BRD1: variants seen among roughly 807,000 people sequenced by gnomAD.
BRD1 encodes bromodomain-containing protein 1.
Under a neutral mutation model 107.7 loss-of-function variants are expected in BRD1, and 24 were observed. The ratio of observed to expected loss-of-function variants is 0.22; its 90% CI spans 0.16 to 0.31. The LOEUF (loss-of-function observed/expected upper bound fraction) is 0.31, where lower values mean the gene tolerates loss of function less well. BRD1 is among the 10% of genes least tolerant of loss of function. The pLI is 1.00. For missense variants in BRD1, 1,279 were observed against 1,638.6 expected (o/e 0.78, Z 3.79); for synonymous variants, 744 against 686.1 (o/e 1.08, Z -1.32).
rs1477634828 is a variant in BRD1 at position 49,823,238 on chromosome 22, C to T, written c.1080G>A (p.Leu360=). The T allele has an allele frequency of 4.3e-6, 7 of 1,614,202 alleles. No individual in the cohort carries two copies. The highest frequency in any genetic ancestry group is 1.3e-5 in the African/African-American group (1 of 75,066). The change falls in exon 2 of 13, where the codon CTG becomes CTA. Residue 360 remains leucine (L), a synonymous_variant. Transcript: ENST00000404760. ...CCTTCACGGGCTCCATTTTCATGTA[C>T]AGGCCAGCCTTCTGGGCACACGTCA... The part of the protein sequence containing the change: ...FHVTCAQKAG[L]YMKMEPVKEL...
At position 49,802,836 on chromosome 22, in the gene BRD1, G is replaced by A. The variant is rs116353261; in HGVS notation, c.1524+1368C>T. Among the ~76,000 whole-genome samples, 1,089 of 152,366 alleles carry A rather than the reference G, an allele frequency of 7.1e-3. 13 individuals are homozygous for A. The highest frequency in any genetic ancestry group is 0.025 in the African/African-American group (1,039 of 41,592). On this transcript the variant is annotated intron_variant, in intron 3 of 12. Coordinates refer to ENST00000404760, the MANE Select transcript of BRD1 (RefSeq NM_001304808.3). ...TACGAGGTGAGGACAGAGGAGAGAT[G>A]GAAAGCCAAGTCACATCATGGAACG...
chr22:49,776,094 C>T lies in BRD1; in HGVS notation c.3187G>A (p.Val1063Met). The change falls in exon 11 of 13, where the codon GTG becomes ATG. Residue 1063 changes from valine to methionine, a missense_variant. Physicochemically the swap from Val to Met is conservative, Grantham distance 21 (BLOSUM62 1). Coordinates refer to ENST00000404760, the MANE Select transcript of BRD1 (RefSeq NM_001304808.3). Reference sequence around the variant, plus strand: ...TAGCCGCTGCACTTGGCCCACACCACCTTCAGAGGCTCCAGCACCGAGGCG... The same window carrying T: ...TAGCCGCTGCACTTGGCCCACACCATCTTCAGAGGCTCCAGCACCGAGGCG... ...AAASVLEPLK[V>M]VWAKCSGYPS... is the part of the protein sequence containing the mutation. 1.2e-6 allele frequency: 2 copies of T among 1,603,040 alleles called. No homozygotes were observed. Among genetic ancestry groups the T allele is most frequent in the Non-Finnish European group, 1.7e-6 (2 of 1,178,762 alleles).
Position 49,774,248 on chromosome 22 carries a change from G to A in BRD1, c.3555C>T (p.Leu1185=). ...GGCCGGGCCGTCAGTCAATGTCACTGAGGTCGCTGGTCGGCTCCCCGTGGA... is the reference window on the plus strand; with the variant it reads ...GGCCGGGCCGTCAGTCAATGTCACTAAGGTCGCTGGTCGGCTCCCCGTGGA... ...SRVHGEPTSD[L]SDID Residue 1185 remains leucine (L), a synonymous_variant, in exon 13 of 13, where the codon CTC becomes CTT. Transcript: ENST00000404760. The A allele has an allele frequency of 6.2e-7, 1 of 1,613,868 alleles. No individual in the cohort carries two copies.
At chr22:49,801,745 C>T (rs566187266) in intron 3 of BRD1, among the ~76,000 whole-genome samples, 2 of 152,368 alleles carry the variant, frequency 1.3e-5, no homozygotes, top group African/African-American at 4.8e-5. Context: ...TGAGGCCTAA[C>T]AGGCAGCGAT....
At chr22:49,806,681 G>C (rs1377748089) in intron 2 of BRD1, 1 of 152,310 alleles carries the variant, frequency 6.6e-6, no homozygotes, top group African/African-American at 2.4e-5. Flanking sequence ...GCCCACCTCA[G>C]GGATGACTGC....
intron 2 of BRD1, among the ~76,000 whole-genome samples, chr22:49,814,466 C>T (rs994217651): frequency 2.6e-5 from 4 of 152,220 alleles, no homozygotes; most frequent in Admixed American, 2.6e-4. Flanking sequence ...GCCTGCTGCC[C>T]ATCGCCAGGG....
Position 49,798,670 on chromosome 22 carries a change from A to G in BRD1, c.1673T>C (p.Val558Ala), listed in dbSNP as rs560010185. ...LKREQVKVEQ[V>A]AMELRLTPLT... ...CGGGGTCAGCCGCAGCTCCATGGCG[A>G]CCTGCTCCACCTTCACCTGGGGGGG... The change falls in exon 5 of 13, where the codon GTC becomes GCC. Residue 558 changes from valine (V) to alanine (A), a missense_variant. Physicochemically the swap from Val to Ala is moderately conservative, Grantham distance 64 (BLOSUM62 0). This residue lies in a region of BRD1 where 406 missense variants were observed against 519.4 expected (regional missense o/e 0.78). Coordinates refer to ENST00000404760, the MANE Select transcript of BRD1 (RefSeq NM_001304808.3). 1 of 1,607,228 alleles carries G rather than the reference A, an allele frequency of 6.2e-7. No individual in the cohort carries two copies. The highest frequency in any genetic ancestry group is 8.5e-7 in the Non-Finnish European group (1 of 1,177,114).
intron 8 of BRD1, among the ~76,000 whole-genome samples, chr22:49,786,714 A>C (rs998535737): frequency 2.6e-5 from 4 of 152,182 alleles, no homozygotes; most frequent in Non-Finnish European, 5.9e-5. Context: ...TCGAGCTCCC[A>C]CAAGTGCTGG....
In BRD1 at chr22:49,777,025, G is replaced by A; in HGVS notation, c.3121+9C>T. The A allele has an allele frequency of 6.2e-7, 1 of 1,613,020 alleles. No homozygotes were observed. The highest frequency in any genetic ancestry group is 8.5e-7 in the Non-Finnish European group (1 of 1,179,978). ...TGGAGAGCCATGGAGGCAGGTCCGG[G>A]CGACTCACCGGCTGCGATCCTGGCC... On this transcript the variant is annotated intron_variant, in intron 10 of 12. Transcript: ENST00000404760.
chr22:49,825,882 G>T (rs1318811714), intron 1 of BRD1: 2 of 152,254 alleles, frequency 1.3e-5, no homozygotes, highest in East Asian at 3.9e-4. Flanking sequence ...AATCCTCATT[G>T]TATGTTGAAA....
chr22:49,774,534 C>G, intron 12 of BRD1, 118 bp from the exon 13 acceptor site: 1 of 1,145,132 alleles, frequency 8.7e-7, no homozygotes, highest in Non-Finnish European at 1.2e-6. Flanking sequence ...TGCTCAGCAC[C>G]ACCAAGACAG....
At chr22:49,817,278 TG>T (rs1485018328) in intron 2 of BRD1, 3 of 182,726 alleles carry the variant, frequency 1.6e-5, no homozygotes, top group African/African-American at 2.4e-5. Context: ...CTCAAAAGGA[TG>T]GCACTGGGGG....
intron 2 of BRD1, chr22:49,818,299 G>C: frequency 1.6e-6 from 2 of 1,278,754 alleles, no homozygotes; most frequent in African/African-American, 1.5e-5. Flanking sequence ...ATCTGAAGCA[G>C]TCAAAGGAAC....
chr22:49,812,772 T>C (rs2059874523), intron 2 of BRD1, among the ~76,000 whole-genome samples: 1 of 151,922 alleles, frequency 6.6e-6, no homozygotes, highest in Admixed American at 6.6e-5. Context: ...ACCAAGGACC[T>C]CACACGCCAG....
rs780551717 is a variant in BRD1, at chr22:49,822,019, G to A, written c.1367+932C>T. ...CCAAGGCCACAGCAGTGGATGTCCC[G>A]ATGCCGGCAGTCACTGGGAAGCCCA... is the stretch of plus-strand genomic sequence containing the variant. On this transcript the variant is annotated intron_variant, in intron 2 of 12. Transcript: ENST00000404760. 1.8e-4 allele frequency among the ~76,000 whole-genome samples: 28 copies of A among 152,264 alleles called. 1 individual carries two copies. Among genetic ancestry groups the A allele is most frequent in the African/African-American group, 6.3e-4 (26 of 41,476 alleles).
chr22:49,776,539 C>A (rs2059102819), intron 10 of BRD1, among the ~76,000 whole-genome samples: 1 of 152,228 alleles, frequency 6.6e-6, no homozygotes, highest in Non-Finnish European at 1.5e-5. Flanking sequence ...GTCCTGGCTC[C>A]CCCTCCGCCA....
rs774876975 is a variant in BRD1 at position 49,775,703 on chromosome 22, C to T, written c.3274G>A (p.Gly1092Ser). 1.8e-5 allele frequency: 29 copies of T among 1,613,486 alleles called. No individual in the cohort carries two copies. The highest frequency in any genetic ancestry group is 3.3e-5 in the South Asian group (3 of 91,044). The change falls in exon 12 of 13, where the codon GGC becomes AGC. Residue 1092 changes from glycine to serine, a missense_variant. By Grantham distance (56) the Gly-to-Ser change is moderately conservative (BLOSUM62 0). Coordinates refer to ENST00000404760, the MANE Select transcript of BRD1 (RefSeq NM_001304808.3). The part of the protein sequence containing the change: ...KMPRVPGHHN[G>S]VTIPAPPLDV... ...AGGGGTGGGGCCGGGATGGTGACGC[C>T]GTTGTGGTGGCCAGGCACACGGGGC...
chr22:49,810,754 C>T (rs1365462749), intron 2 of BRD1, among the ~76,000 whole-genome samples: 2 of 152,214 alleles, frequency 1.3e-5, no homozygotes, highest in African/African-American at 4.8e-5. Flanking sequence ...CCCGAGCGAT[C>T]GCTGCCCCTG....
chr22:49,813,557 C>T (rs1381906089), intron 2 of BRD1, among the ~76,000 whole-genome samples: 1 of 150,060 alleles, frequency 6.7e-6, no homozygotes, highest in Non-Finnish European at 1.5e-5. Flanking sequence ...GGCCAGGAGC[C>T]ATTAATGGCT....
Sources: gnomAD v4.1 joint callset for allele counts (sites outside exome capture counted in the v4.1 genomes callset) on GRCh38, gnomAD v4.1.1 for gene constraint, gnomAD v4.1.1 regional missense constraint, MANE v1.5 for transcripts, NCBI Gene and HGNC (gene_info 2026-07-23, HGNC 2026-07-21) for gene names.